Variants in NARS2 observed in about 807,000 individuals in gnomAD.
NARS2 encodes asparaginyl-tRNA synthetase 2, mitochondrial.
Under a neutral mutation model 62.9 loss-of-function variants are expected in NARS2, and 60 were observed. That is an observed-to-expected ratio of 0.95 (90% CI 0.77 to 1.18). The LOEUF is 1.18. NARS2 is among the 50% of genes most tolerant of loss of function. The pLI is 0.00. For synonymous variants in NARS2, 196 were observed against 200.0 expected, an observed-to-expected ratio of 0.98 and a Z score of 0.17; for missense variants, 619 against 576.4, an observed-to-expected ratio of 1.07 and a Z score of -0.76.
intron 5 of NARS2, among the ~76,000 whole-genome samples, chr11:78,554,508 C>CATGCGTGTGTGTGTGTGT (rs1555041423): frequency 6.8e-6 from 1 of 146,914 alleles, no homozygotes; most frequent in Non-Finnish European, 1.5e-5. Flanking sequence ...GGCGTGTGTG[C>CATGCGTGTGTGTGTGTGT]GTGTGTGTGT....
intron 5 of NARS2, among the ~76,000 whole-genome samples, chr11:78,557,554 G>A (rs1380459871): frequency 2.6e-5 from 4 of 152,182 alleles, no homozygotes; most frequent in Non-Finnish European, 4.4e-5. Flanking sequence ...TGAAACCTGA[G>A]CTAGATCCTG....
intron 6 of NARS2, among the ~76,000 whole-genome samples, chr11:78,499,207 C>T (rs188430349): frequency 3.2e-4 from 49 of 152,202 alleles, no homozygotes; most frequent in Non-Finnish European, 4.7e-4. Flanking sequence ...TGAGCCACCG[C>T]GCCCGGCCCA....
Position 78,574,425 on chromosome 11 carries a change from G to A in NARS2, c.64C>T (p.His22Tyr), listed in dbSNP as rs1354378126. ...ACGCTCAGTTTGGCTGAAGGTTTGT[G>A]CTTGGGGAAGGGGGCGGAGGAACAG... is the stretch of plus-strand genomic sequence containing the variant. ...RFCSSAPFPK[H>Y]KPSAKLSVRD... Residue 22 changes from histidine (H) to tyrosine (Y), a missense_variant, in exon 1 of 14, where the codon CAC becomes TAC. By Grantham distance (83) the His-to-Tyr change is moderately conservative. Coordinates refer to ENST00000281038, the MANE Select transcript of NARS2 (RefSeq NM_024678.6). The A allele has an allele frequency of 5.6e-6, 9 of 1,614,078 alleles. No homozygotes were observed. The highest frequency in any genetic ancestry group is 3.3e-4 in the Middle Eastern group (2 of 6,084).
At chr11:78,438,980 A>AT (rs928649517) in intron 13 of NARS2, among the ~76,000 whole-genome samples, 2,934 of 145,860 alleles carry the variant, frequency 0.02, 71 homozygotes, top group African/African-American at 0.063. Flanking sequence ...TATTTAACCA[A>AT]TTTTTTTTTT....
rs1039489139 is a variant in NARS2, at chr11:78,455,815, T to C, written c.1164+10061A>G. On this transcript the variant is annotated intron_variant, in intron 11 of 13. Coordinates refer to ENST00000281038, the MANE Select transcript of NARS2 (RefSeq NM_024678.6). The stretch of plus-strand genomic sequence containing the variant: ...CGGTGTGATTTTGCATGAGTGACTA[T>C]ACTGCTGCACTGAGAGGTAGCAGCC... 2.0e-5 allele frequency among the ~76,000 whole-genome samples: 3 copies of C among 152,046 alleles called. No homozygotes were observed. In the East Asian group the frequency reaches 5.8e-4, roughly 29 times the overall value.
chr11:78,476,777 A>G (rs1859117550), intron 9 of NARS2, among the ~76,000 whole-genome samples: 2 of 152,096 alleles, frequency 1.3e-5, no homozygotes, highest in African/African-American at 2.4e-5. Context: ...TTTTATGGAC[A>G]AGGACTCCAA....
chr11:78,537,251 T>C (rs1855392347), intron 5 of NARS2, among the ~76,000 whole-genome samples: 1 of 152,118 alleles, frequency 6.6e-6, no homozygotes, highest in Non-Finnish European at 1.5e-5. Context: ...CAAAAAAATG[T>C]GCATGTGGAT....
chr11:78,559,861 TAAGG>T (rs1260237047), intron 4 of NARS2, among the ~76,000 whole-genome samples: 1 of 152,188 alleles, frequency 6.6e-6, no homozygotes, highest in African/African-American at 2.4e-5. Context: ...ATTTCAAAGA[TAAGG>T]AAGTTAAGGC....
In NARS2 at chr11:78,436,677, A is replaced by G. The variant is rs900855513; in HGVS notation, c.1427T>C (p.Leu476Pro). 2 of 1,614,144 alleles carry G rather than the reference A, an allele frequency of 1.2e-6. No individual in the cohort carries two copies. Among genetic ancestry groups the G allele is most frequent in the Admixed American group, 3.3e-5 (2 of 60,016 alleles). ...IPFPRFPHSC[L>P]L ...CCTTAACCAATCTTCCAGCTATAAA[A>G]GGCATGAATGAGGAAACCTTGGGAA... Residue 476 changes from leucine (L) to proline (P), a missense_variant, in exon 14 of 14, where the codon CTT becomes CCT. Physicochemically the swap from Leu to Pro is moderately conservative, Grantham distance 98 (BLOSUM62 -3). Transcript: ENST00000281038.
Position 78,528,743 on chromosome 11 carries a change from T to C in NARS2, c.689+99A>G. 3.9e-6 allele frequency: 3 copies of C among 774,272 alleles called. No homozygotes were observed. The South Asian group carries it at 4.7e-5, about 12-fold the overall frequency. 48.0% of individuals were successfully genotyped at this position (774,272 alleles called of 1,614,324 possible). On this transcript the variant is annotated intron_variant, in intron 6 of 13. Coordinates refer to ENST00000281038, the MANE Select transcript of NARS2 (RefSeq NM_024678.6). ...TTGGAAAATTCAAGTGAACTAATGATAAAGACTAATTTCAACTTTTAGGTT... is the reference window on the plus strand; with the variant it reads ...TTGGAAAATTCAAGTGAACTAATGACAAAGACTAATTTCAACTTTTAGGTT...
chr11:78,447,167 G>GT lies in NARS2; in HGVS notation c.1165-3410dup, dbSNP rs1201443498. Among the ~76,000 whole-genome samples, 826 of 136,924 alleles carry GT rather than the reference G, an allele frequency of 6.0e-3. 3 individuals are homozygous for GT. The highest frequency in any genetic ancestry group is 0.02 in the African/African-American group (745 of 37,592). 89.8% of individuals were successfully genotyped at this position (136,924 alleles called of 152,430 possible). A position where few individuals can be genotyped will look rare whatever the true frequency, so the allele number is the denominator to read the frequency against. Reference sequence around the variant, plus strand: ...GAGTTATCACTTCACACCTGTTAGTGTTTTTTTTTTTCTTCCTACATTTAT... The same window carrying GT: ...GAGTTATCACTTCACACCTGTTAGTGTTTTTTTTTTTTCTTCCTACATTTAT... On this transcript the variant is annotated intron_variant, in intron 11 of 13. Coordinates refer to ENST00000281038, the MANE Select transcript of NARS2 (RefSeq NM_024678.6).
chr11:78,574,658 TC>T lies in NARS2; in HGVS notation c.-171del. The T allele has an allele frequency of 1.5e-6, 1 of 681,040 alleles. No individual in the cohort carries two copies. The highest frequency in any genetic ancestry group is 2.4e-6 in the Non-Finnish European group (1 of 414,628). The allele number at this position is 681,040 out of a possible 1,614,324, so 42.2% of individuals were successfully genotyped here. A position where few individuals can be genotyped will look rare whatever the true frequency, so the allele number is the denominator to read the frequency against. Reference sequence around the variant, plus strand: ...TTCTCCTTCAGGACTCCCAGCTCTGTCCCCACAGAACCTCTCCGCTTCCCAC... The same window carrying T: ...TTCTCCTTCAGGACTCCCAGCTCTGTCCCACAGAACCTCTCCGCTTCCCAC... On this transcript the variant is annotated 5_prime_UTR_variant, in exon 1 of 14. Coordinates refer to ENST00000281038, the MANE Select transcript of NARS2 (RefSeq NM_024678.6).
rs1195368219 is a variant in NARS2 at position 78,568,758 on chromosome 11, G to A, written c.252-6C>T. 6 of 1,582,026 alleles carry A rather than the reference G, an allele frequency of 3.8e-6. No homozygotes were observed. Among genetic ancestry groups the A allele is most frequent in the South Asian group, 2.3e-5 (2 of 86,938 alleles). On this transcript the variant is annotated splice_region_variant and splice_polypyrimidine_tract_variant and intron_variant, in intron 2 of 13. Transcript: ENST00000281038. The stretch of plus-strand genomic sequence containing the variant: ...AACTCCCAAAATTTAATTCTCTATA[G>A]TAACAAAAAACAAGATAAACAAGAT...
chr11:78,521,028 C>T (rs1175694171), intron 6 of NARS2, among the ~76,000 whole-genome samples: 4 of 142,252 alleles, frequency 2.8e-5, no homozygotes, highest in African/African-American at 1.1e-4. Flanking sequence ...CACTGCACTC[C>T]AGCCTGGGCG....
At chr11:78,501,703 T>C (rs1221440689) in intron 6 of NARS2, among the ~76,000 whole-genome samples, 2 of 152,202 alleles carry the variant, frequency 1.3e-5, no homozygotes, top group East Asian at 1.9e-4. Flanking sequence ...AAAATAACAA[T>C]GTTGGCAAGG....
Position 78,566,203 on chromosome 11 carries a change from T to G in NARS2, c.442A>C (p.Arg148=), listed in dbSNP as rs951341958. The change falls in exon 4 of 14, where the codon AGG becomes CGG. Residue 148 remains arginine, a synonymous_variant. Transcript: ENST00000281038. ...AATATAGAACCCAGAACGTTAGTCC[T>G]ACACCTAAAGTGAGGATATTGTCGC... ...YLRQYPHFRC[R]TNVLGSILRI... The G allele has an allele frequency of 1.5e-5, 24 of 1,612,838 alleles. No individual in the cohort carries two copies. The highest frequency in any genetic ancestry group is 1.9e-5 in the Non-Finnish European group (22 of 1,179,166).
intron 5 of NARS2, among the ~76,000 whole-genome samples, chr11:78,532,278 A>C (rs1221432070): frequency 1.3e-5 from 2 of 152,216 alleles, no homozygotes; most frequent in East Asian, 3.8e-4. Context: ...ATGAATTTAT[A>C]TATGTTAAAA....
intron 7 of NARS2, among the ~76,000 whole-genome samples, chr11:78,480,043 C>CAT (rs779292078): frequency 2.6e-5 from 4 of 151,982 alleles, no homozygotes; most frequent in Non-Finnish European, 5.9e-5. Flanking sequence ...GGACCACAGG[C>CAT]ATGCATCACC....
intron 5 of NARS2, among the ~76,000 whole-genome samples, chr11:78,540,932 G>A (rs1729132918): frequency 6.6e-6 from 1 of 152,140 alleles, no homozygotes; most frequent in South Asian, 2.1e-4. Flanking sequence ...GCCAAGGTAG[G>A]CGCATCACCT....
Sources: gnomAD v4.1 joint callset for allele counts (sites outside exome capture counted in the v4.1 genomes callset) on GRCh38, gnomAD v4.1.1 for gene constraint, MANE v1.5 for transcripts, NCBI Gene and HGNC (gene_info 2026-07-23, HGNC 2026-07-21) for gene names.